The following MTUS2 variants were observed in gnomAD, a reference collection of about 807,000 sequenced individuals.
The protein encoded by MTUS2 is microtubule-associated tumor suppressor candidate 2.
In MTUS2, 40 loss-of-function variants were observed where a neutral mutation model predicts 114.1. That is an observed-to-expected ratio of 0.35 (90% CI 0.27 to 0.46). The LOEUF (loss-of-function observed/expected upper bound fraction) is 0.46. Among genes scored for constraint, MTUS2 ranks in the 20% least tolerant of loss-of-function variants. The pLI is 1.00. For synonymous variants in MTUS2, 688 were observed against 672.0 expected, an observed-to-expected ratio of 1.02 and a Z score of -0.37; for missense variants, 1,679 against 1,705.4, an observed-to-expected ratio of 0.98 and a Z score of 0.27.
At chr13:29,332,764 A>G (rs1360348396) in intron 7 of MTUS2, among the ~76,000 whole-genome samples, 1 of 150,558 alleles carries the variant, frequency 6.6e-6, no homozygotes, top group Non-Finnish European at 1.5e-5. Context: ...CCTCCCGAGT[A>G]GCTGGGACTA....
chr13:28,966,290 C>G (rs1349151554), intron 2 of MTUS2, among the ~76,000 whole-genome samples: 1 of 152,128 alleles, frequency 6.6e-6, no homozygotes, highest in Non-Finnish European at 1.5e-5. Flanking sequence ...AGAATAGATT[C>G]TAATTATCAT....
chr13:29,031,967 A>G lies in MTUS2; in HGVS notation c.2206-1918A>G, dbSNP rs573064382. Among the ~76,000 whole-genome samples, 5 of 152,234 alleles carry G rather than the reference A, an allele frequency of 3.3e-5. No homozygotes were observed. In the South Asian group the frequency reaches 1.0e-3, roughly 32 times the overall value. Reference sequence around the variant, plus strand: ...TGACTTAACGAGTTTGTTTGAAATCATAGGGTTCTTTTGTTTGCTTTCAAA... The same window carrying G: ...TGACTTAACGAGTTTGTTTGAAATCGTAGGGTTCTTTTGTTTGCTTTCAAA... On this transcript the variant is annotated intron_variant, in intron 3 of 15. Coordinates refer to ENST00000612955, the MANE Select transcript of MTUS2 (RefSeq NM_001033602.4).
intron 5 of MTUS2, among the ~76,000 whole-genome samples, chr13:29,196,739 G>A (rs7332404): frequency 0.028 from 4,213 of 152,210 alleles, 191 homozygotes; most frequent in African/African-American, 0.096. Context: ...TTCATTTAGC[G>A]TGATGTCTCT....
chr13:28,876,707 C>T (rs1156873540), intron 2 of MTUS2, among the ~76,000 whole-genome samples: 1 of 152,112 alleles, frequency 6.6e-6, no homozygotes, highest in East Asian at 1.9e-4. Context: ...GTCAGACCCA[C>T]CCATGGAGTG....
chr13:29,006,795 A>G (rs1885621544), intron 2 of MTUS2, among the ~76,000 whole-genome samples: 1 of 152,196 alleles, frequency 6.6e-6, no homozygotes, highest in African/African-American at 2.4e-5. Context: ...GCCATTCCAC[A>G]GGCAACTGGA....
At chr13:28,876,314 A>G (rs1042514278) in intron 2 of MTUS2, among the ~76,000 whole-genome samples, 3 of 152,216 alleles carry the variant, frequency 2.0e-5, no homozygotes, top group Non-Finnish European at 4.4e-5. Context: ...GGTTGGTTTC[A>G]GATGTTTACA....
chr13:29,262,570 T>TAA (rs34929267), intron 5 of MTUS2, among the ~76,000 whole-genome samples: 6 of 143,614 alleles, frequency 4.2e-5, no homozygotes, highest in African/African-American at 1.3e-4. Flanking sequence ...GTGATTAGTG[T>TAA]AAAAAAAAAA....
intron 5 of MTUS2, among the ~76,000 whole-genome samples, chr13:29,219,984 C>T (rs953115317): frequency 6.6e-6 from 1 of 150,702 alleles, no homozygotes; most frequent in Non-Finnish European, 1.5e-5. Flanking sequence ...TTCATGTGTT[C>T]ACTGGAACAG....
rs1259284960 is a variant in MTUS2, at chr13:29,416,707, A to G, written c.3118-23276A>G. On this transcript the variant is annotated intron_variant, in intron 8 of 15. Coordinates refer to ENST00000612955, the MANE Select transcript of MTUS2 (RefSeq NM_001033602.4). ...TTAACTTTATATAAAATGAAGATCT[A>G]TATTTTCTTTCGTTGAGCTTTTTGT... Among the ~76,000 whole-genome samples the G allele has an allele frequency of 8.5e-5, 13 of 152,246 alleles. No homozygotes were observed. In the East Asian group the frequency reaches 1.5e-3, roughly 18 times the overall value.
At chr13:29,216,390 G>C (rs1011475628) in intron 5 of MTUS2, among the ~76,000 whole-genome samples, 1 of 152,200 alleles carries the variant, frequency 6.6e-6, no homozygotes, top group African/African-American at 2.4e-5. Flanking sequence ...GAATGGTTCT[G>C]TCTTGCTGGG....
chr13:29,132,986 G>C (rs891792507), intron 5 of MTUS2, among the ~76,000 whole-genome samples: 2 of 151,508 alleles, frequency 1.3e-5, no homozygotes, highest in Non-Finnish European at 2.9e-5. Context: ...AAGTGCACAA[G>C]GGTTCCAGGT....
At chr13:29,256,588 T>C (rs910991122) in intron 5 of MTUS2, among the ~76,000 whole-genome samples, 7 of 152,236 alleles carry the variant, frequency 4.6e-5, no homozygotes, top group Admixed American at 1.3e-4. Context: ...ACTGAGGTCA[T>C]TGTGAACAAG....
intron 2 of MTUS2, among the ~76,000 whole-genome samples, chr13:28,979,060 G>T (rs948464225): frequency 6.6e-6 from 1 of 152,232 alleles, no homozygotes. Context: ...TCTGCAGTCA[G>T]ACATTGCAAA....
intron 5 of MTUS2, among the ~76,000 whole-genome samples, chr13:29,137,270 T>G (rs1892018154): frequency 6.6e-6 from 1 of 152,172 alleles, no homozygotes. Context: ...TCTTACTGCT[T>G]TCAAAATTAT....
chr13:29,366,462 A>G (rs946587486), intron 8 of MTUS2, among the ~76,000 whole-genome samples: 3 of 152,052 alleles, frequency 2.0e-5, no homozygotes, highest in Non-Finnish European at 4.4e-5. Flanking sequence ...ACACAGCCAA[A>G]CCATATCAAG....
At chr13:28,879,959 C>T (rs1420734553) in intron 2 of MTUS2, among the ~76,000 whole-genome samples, 17 of 152,068 alleles carry the variant, frequency 1.1e-4, no homozygotes, top group Admixed American at 9.8e-4. Flanking sequence ...TATCTGAAGT[C>T]GTGAGGTTGA....
intron 5 of MTUS2, among the ~76,000 whole-genome samples, chr13:29,272,715 AAG>A (rs1201019550): frequency 6.6e-6 from 1 of 152,182 alleles, no homozygotes. Flanking sequence ...AAAATTTTAC[AAG>A]AGAGTTTTCT....
intron 15 of MTUS2, among the ~76,000 whole-genome samples, chr13:29,501,827 C>A (rs3011618): frequency 0.97 from 147,125 of 152,146 alleles, 71,255 homozygotes; most frequent in Non-Finnish European, 1. Flanking sequence ...CATACACTCA[C>A]ATGCACTCAC....
intron 2 of MTUS2, among the ~76,000 whole-genome samples, chr13:28,961,258 C>T (rs1402290705): frequency 6.6e-6 from 1 of 152,062 alleles, no homozygotes; most frequent in Non-Finnish European, 1.5e-5. Flanking sequence ...TAGAAACTTT[C>T]AAGAACTTTA....
Sources: gnomAD v4.1 joint callset for allele counts (sites outside exome capture counted in the v4.1 genomes callset) on GRCh38, gnomAD v4.1.1 for gene constraint, MANE v1.5 for transcripts, NCBI Gene and HGNC (gene_info 2026-07-23, HGNC 2026-07-21) for gene names.